Variants in IMMP2L observed in about 807,000 individuals in gnomAD.
The protein encoded by IMMP2L is inner mitochondrial membrane peptidase subunit 2.
IMMP2L carries 18 observed loss-of-function variants against 19.3 expected under a neutral mutation model. The observed-to-expected ratio is 0.93, with a 90% CI of 0.64 to 1.38. IMMP2L has a LOEUF of 1.38. Ranked by LOEUF, IMMP2L falls within the 40% of genes most tolerant of loss-of-function variation. IMMP2L has a pLI of 0.00. For synonymous variants in IMMP2L, 76 were observed against 73.0 expected (o/e 1.04, Z -0.21); for missense variants, 233 against 218.2 (o/e 1.07, Z -0.43).
At chr7:111,495,428 T>C (rs759087613) in intron 2 of IMMP2L, among the ~76,000 whole-genome samples, 1 of 152,206 alleles carries the variant, frequency 6.6e-6, no homozygotes, top group Non-Finnish European at 1.5e-5. Context: ...CCAATATCTA[T>C]CAAATCTGCT....
At chr7:110,825,344 T>G (rs1167561740) in intron 5 of IMMP2L, among the ~76,000 whole-genome samples, 1 of 152,034 alleles carries the variant, frequency 6.6e-6, no homozygotes, top group African/African-American at 2.4e-5. Flanking sequence ...TACTTTAAAG[T>G]TCATATGGAA....
At chr7:111,109,012 AAGCAATAAACAAAAAGCAAATAATTTC>A (rs1178793084) in intron 3 of IMMP2L, among the ~76,000 whole-genome samples, 1 of 152,350 alleles carries the variant, frequency 6.6e-6, no homozygotes, top group African/African-American at 2.4e-5. Context: ...GATGGGAAGT[AAGCAATAAACAAAAAGCAAATAATTTC>A]TAGCAGTCTT....
intron 1 of IMMP2L, among the ~76,000 whole-genome samples, chr7:111,542,759 A>T (rs918192624): frequency 3.3e-5 from 5 of 152,170 alleles, no homozygotes; most frequent in African/African-American, 7.2e-5. Context: ...GAAGGGGTAG[A>T]AAAGGAAGAA....
chr7:110,689,287 T>C (rs773619269), intron 5 of IMMP2L, among the ~76,000 whole-genome samples: 3 of 152,322 alleles, frequency 2.0e-5, no homozygotes, highest in Non-Finnish European at 2.9e-5. Flanking sequence ...AGATTTTTAA[T>C]GGGAATTTTT....
At chr7:111,517,072 A>G (rs1330202919) in intron 2 of IMMP2L, among the ~76,000 whole-genome samples, 1 of 152,146 alleles carries the variant, frequency 6.6e-6, no homozygotes, top group Non-Finnish European at 1.5e-5. Flanking sequence ...TACAAGCAAT[A>G]ATGACTGTTG....
chr7:111,427,078 T>TAC lies in IMMP2L; in HGVS notation c.239+60158_239+60159dup, dbSNP rs773057145. Among the ~76,000 whole-genome samples, 47 of 151,138 alleles carry TAC rather than the reference T, an allele frequency of 3.1e-4. 3 individuals are homozygous for TAC. The highest frequency in any genetic ancestry group is 1.4e-3 in the East Asian group (7 of 5,180). On this transcript the variant is annotated intron_variant, in intron 3 of 5. Transcript: ENST00000405709. Reference sequence around the variant, plus strand: ...TGCTCCCTTTCAGATCCAAACTCCTTACTTCACTGATCACCCAAGACTGGT... The same window carrying TAC: ...TGCTCCCTTTCAGATCCAAACTCCTTACACTTCACTGATCACCCAAGACTGGT...
At chr7:110,961,503 G>A (rs1002095033) in intron 4 of IMMP2L, among the ~76,000 whole-genome samples, 2 of 149,370 alleles carry the variant, frequency 1.3e-5, no homozygotes, top group Non-Finnish European at 3.0e-5. Flanking sequence ...TCCACCTTCA[G>A]TTGGTTGAAA....
At chr7:111,406,822 G>C (rs920773735) in intron 3 of IMMP2L, among the ~76,000 whole-genome samples, 1 of 151,966 alleles carries the variant, frequency 6.6e-6, no homozygotes, top group Non-Finnish European at 1.5e-5. Flanking sequence ...CATGCATTTT[G>C]GGGAGTGCCC....
chr7:111,125,301 C>G (rs1465876915), intron 3 of IMMP2L: 1 of 172,278 alleles, frequency 5.8e-6, no homozygotes, highest in African/African-American at 2.4e-5. Context: ...ACCAGATAAA[C>G]TTGAATTGAC....
At position 111,373,174 on chromosome 7, in the gene IMMP2L, G is replaced by T. The variant is rs567478409; in HGVS notation, c.239+114064C>A. Among the ~76,000 whole-genome samples the T allele has an allele frequency of 2.7e-5, 4 of 150,746 alleles. No homozygotes were observed. In the South Asian group the frequency reaches 8.3e-4, roughly 31 times the overall value. On this transcript the variant is annotated intron_variant, in intron 3 of 5. Coordinates refer to ENST00000405709, the MANE Select transcript of IMMP2L (RefSeq NM_032549.4). Reference sequence around the variant, plus strand: ...ATCACATGCCTCCCACAGGGTAGTTGTTAAATGAGTATTTCTTAAATTTAA... The same window carrying T: ...ATCACATGCCTCCCACAGGGTAGTTTTTAAATGAGTATTTCTTAAATTTAA...
intron 3 of IMMP2L, among the ~76,000 whole-genome samples, chr7:111,280,302 T>C (rs1443289488): frequency 3.3e-5 from 5 of 152,186 alleles, no homozygotes; most frequent in African/African-American, 9.6e-5. Flanking sequence ...AGTTCCTGCA[T>C]GGCTCATTCA....
intron 3 of IMMP2L, among the ~76,000 whole-genome samples, chr7:111,473,711 A>G (rs192331909): frequency 1.3e-5 from 2 of 152,318 alleles, no homozygotes; most frequent in Non-Finnish European, 2.9e-5. Flanking sequence ...AATATTTGCA[A>G]TAAGCAGCAT....
chr7:111,325,953 G>A (rs1392055592), intron 3 of IMMP2L, among the ~76,000 whole-genome samples: 3 of 151,522 alleles, frequency 2.0e-5, no homozygotes, highest in African/African-American at 4.8e-5. Context: ...ATGTAGTTTT[G>A]CCTATAACTG....
At chr7:111,212,121 T>A (rs1811384874) in intron 3 of IMMP2L, among the ~76,000 whole-genome samples, 1 of 152,148 alleles carries the variant, frequency 6.6e-6, no homozygotes, top group African/African-American at 2.4e-5. Flanking sequence ...ACAGTCTTCA[T>A]CTTGATCTAT....
intron 3 of IMMP2L, among the ~76,000 whole-genome samples, chr7:111,290,314 T>G (rs1304685973): frequency 1.3e-5 from 2 of 152,166 alleles, no homozygotes; most frequent in African/African-American, 4.8e-5. Flanking sequence ...TCCCTCACTG[T>G]GCAACACATA....
intron 3 of IMMP2L, among the ~76,000 whole-genome samples, chr7:111,288,339 A>G (rs2130798609): frequency 6.6e-6 from 1 of 152,290 alleles, no homozygotes; most frequent in South Asian, 2.1e-4. Flanking sequence ...AAACCCTAGA[A>G]GAAAATCTAG....
intron 3 of IMMP2L, among the ~76,000 whole-genome samples, chr7:111,391,427 A>G (rs1204927907): frequency 6.6e-6 from 1 of 152,194 alleles, no homozygotes; most frequent in African/African-American, 2.4e-5. Flanking sequence ...ATTATTCACA[A>G]TCTGATGAAA....
chr7:111,448,486 A>C (rs1242469890), intron 3 of IMMP2L, among the ~76,000 whole-genome samples: 1 of 145,994 alleles, frequency 6.8e-6, no homozygotes, highest in Non-Finnish European at 1.5e-5. Flanking sequence ...TGAAGGCAGA[A>C]ATAAAGATGT....
intron 5 of IMMP2L, among the ~76,000 whole-genome samples, chr7:110,729,161 G>C (rs549554572): frequency 1.3e-5 from 2 of 152,248 alleles, no homozygotes; most frequent in South Asian, 4.1e-4. Flanking sequence ...GGGATTACAT[G>C]CATGAGCCAC....
Sources: gnomAD v4.1 joint callset for allele counts (sites outside exome capture counted in the v4.1 genomes callset) on GRCh38, gnomAD v4.1.1 for gene constraint, MANE v1.5 for transcripts, NCBI Gene and HGNC (gene_info 2026-07-23, HGNC 2026-07-21) for gene names.